Variants in ATP10B observed in about 807,000 individuals in gnomAD.
ATP10B encodes ATPase phospholipid transporting 10B (putative), also known as phospholipid-transporting ATPase VB.
Under a neutral mutation model 141.2 loss-of-function variants are expected in ATP10B, and 122 were observed. The observed-to-expected ratio is 0.86, with a 90% confidence interval of 0.75 to 1.00. The LOEUF is 1.00. Among genes scored for constraint, ATP10B ranks in the 50% least tolerant of loss-of-function variants. The pLI is 0.00. For missense variants in ATP10B, 1,876 were observed against 1,825.3 expected (o/e 1.03, Z -0.51); for synonymous variants, 685 against 692.0 (o/e 0.99, Z 0.16).
the ATP10B span, among the ~76,000 whole-genome samples, chr5:160,910,488 T>C: frequency 2.0e-5 from 3 of 152,154 alleles, no homozygotes; most frequent in East Asian, 5.8e-4. Flanking sequence ...ATGTGCTCAG[T>C]AAATGTCAAA....
intron 24 of ATP10B, among the ~76,000 whole-genome samples, chr5:160,582,013 C>T (rs935991228): frequency 6.6e-6 from 1 of 152,120 alleles, no homozygotes; most frequent in African/African-American, 2.4e-5. Context: ...AGTATTCCTC[C>T]ATCCCTTTAT....
the ATP10B span, among the ~76,000 whole-genome samples, chr5:160,877,656 C>T: frequency 6.7e-6 from 1 of 149,478 alleles, no homozygotes; most frequent in East Asian, 2.0e-4. Flanking sequence ...AGCCCAAAAT[C>T]TCCTTAAGCT....
At chr5:160,602,027 A>G (rs1241667145) in intron 21 of ATP10B, among the ~76,000 whole-genome samples, 1 of 152,220 alleles carries the variant, frequency 6.6e-6, no homozygotes, top group Non-Finnish European at 1.5e-5. Flanking sequence ...AATCTGATAC[A>G]GTTCAGACTA....
intron 2 of ATP10B, among the ~76,000 whole-genome samples, chr5:160,775,675 GATTT>G (rs1486778587): frequency 8.0e-6 from 1 of 124,878 alleles, no homozygotes; most frequent in Non-Finnish European, 1.8e-5. Flanking sequence ...GCAAGTTTCA[GATTT>G]TTTTTTTTTT....
chr5:160,726,119 G>T (rs1327374986), intron 2 of ATP10B, among the ~76,000 whole-genome samples: 1 of 152,126 alleles, frequency 6.6e-6, no homozygotes, highest in Non-Finnish European at 1.5e-5. Context: ...CTAACTCAGG[G>T]TGGTGCAAGT....
At chr5:160,603,241 C>T (rs557665514) in intron 20 of ATP10B, 1 of 155,170 alleles carries the variant, frequency 6.4e-6, no homozygotes, top group Admixed American at 6.3e-5. Context: ...GTTTATAAGT[C>T]CTGGTATAAA....
chr5:160,675,865 A>C (rs993889899), intron 6 of ATP10B, among the ~76,000 whole-genome samples: 1 of 13,764 alleles, frequency 7.3e-5, no homozygotes, highest in African/African-American at 3.1e-4. Flanking sequence ...CCAGAGAAGC[A>C]GGGGGGTGGG....
Position 160,606,966 on chromosome 5 carries a change from AG to A in ATP10B, c.2958del (p.Ser987GlnfsTer17). 4 of 1,614,102 alleles carry A rather than the reference AG, an allele frequency of 2.5e-6. No individual in the cohort carries two copies. The highest frequency in any genetic ancestry group is 3.4e-6 in the Non-Finnish European group (4 of 1,180,010). On this transcript the variant is annotated frameshift_variant, in exon 19 of 26. Coordinates refer to ENST00000327245, the MANE Select transcript of ATP10B (RefSeq NM_025153.3). LOFTEE classifies it high-confidence loss of function. Reference protein sequence around the residue: ...FRLPSKTPSITSEAVVPEAGL... With the variant: ...FRLPSKTPSIXSEAVVPEAGL... ...CCAGCTTCTGGAACCACAGCTTCTGAGGTGATGGATGGTGTCTTGGAAGGTA... is the reference window on the plus strand; with the variant it reads ...CCAGCTTCTGGAACCACAGCTTCTGAGTGATGGATGGTGTCTTGGAAGGTA...
the ATP10B span, among the ~76,000 whole-genome samples, chr5:160,873,022 A>G: frequency 6.6e-6 from 1 of 151,496 alleles, no homozygotes; most frequent in Non-Finnish European, 1.5e-5. Flanking sequence ...ATGTGTTTCC[A>G]TTTGTTTGTG....
intron 2 of ATP10B, among the ~76,000 whole-genome samples, chr5:160,755,153 G>A (rs34422526): frequency 0.24 from 36,816 of 152,102 alleles, 4,733 homozygotes; most frequent in Non-Finnish European, 0.28. Context: ...TTACAATCAT[G>A]GCAGAAGGTG....
chr5:160,851,406 G>C (rs1753806983), intron 1 of ATP10B, among the ~76,000 whole-genome samples: 1 of 151,948 alleles, frequency 6.6e-6, no homozygotes, highest in African/African-American at 2.4e-5. Context: ...CTCATACTTA[G>C]GGAAAAAACA....
At chr5:160,735,339 A>G (rs1453338120) in intron 2 of ATP10B, among the ~76,000 whole-genome samples, 1 of 152,096 alleles carries the variant, frequency 6.6e-6, no homozygotes, top group East Asian at 1.9e-4. Flanking sequence ...AAAAAAGAGC[A>G]AGATATCTAT....
At chr5:160,892,461 A>C in the ATP10B span, among the ~76,000 whole-genome samples, 20 of 152,316 alleles carry the variant, frequency 1.3e-4, no homozygotes, top group East Asian at 3.9e-3. Flanking sequence ...TACATTTAAA[A>C]CAGATAATTT....
intron 2 of ATP10B, among the ~76,000 whole-genome samples, chr5:160,758,441 T>A (rs980465975): frequency 1.3e-5 from 2 of 152,160 alleles, no homozygotes; most frequent in African/African-American, 4.8e-5. Flanking sequence ...CAGAAATACA[T>A]CCCTATATCA....
chr5:160,794,109 A>T (rs1027404358), intron 1 of ATP10B, among the ~76,000 whole-genome samples: 8 of 152,204 alleles, frequency 5.3e-5, no homozygotes, highest in African/African-American at 1.9e-4. Context: ...CATTCTTTTA[A>T]TGTATCCCAC....
chr5:160,882,071 T>C, the ATP10B span, among the ~76,000 whole-genome samples: 33 of 152,116 alleles, frequency 2.2e-4, no homozygotes, highest in Middle Eastern at 3.4e-3. Context: ...GACAATAAAA[T>C]ATCAGTGGTT....
At chr5:160,796,113 A>G (rs983708412) in intron 1 of ATP10B, among the ~76,000 whole-genome samples, 4 of 152,168 alleles carry the variant, frequency 2.6e-5, no homozygotes, top group African/African-American at 9.7e-5. Flanking sequence ...TATTTAGAGT[A>G]AAAACAGATA....
intron 22 of ATP10B, among the ~76,000 whole-genome samples, chr5:160,593,187 C>G (rs931662662): frequency 6.6e-6 from 1 of 152,220 alleles, no homozygotes. Flanking sequence ...CAGACTGACA[C>G]CTCACATGGC....
intron 7 of ATP10B, among the ~76,000 whole-genome samples, chr5:160,654,704 G>GTCATCGTCATCGTCATCATCA (rs1554101049): frequency 2.6e-5 from 4 of 151,934 alleles, no homozygotes; most frequent in African/African-American, 9.7e-5. Context: ...TGTCGTCATC[G>GTCATCGTCATCGTCATCATCA]TCATCATCAT....
Sources: allele counts gnomAD v4.1 joint callset (sites outside exome capture counted in the v4.1 genomes callset), GRCh38; gene constraint gnomAD v4.1.1; transcripts MANE v1.5; gene names NCBI Gene and HGNC (gene_info 2026-07-23, HGNC 2026-07-21).